PDE5A: variants seen among roughly 807,000 people sequenced by gnomAD.
The protein encoded by PDE5A is phosphodiesterase 5A, also known as cGMP-specific 3',5'-cyclic phosphodiesterase.
PDE5A carries 67 observed loss-of-function variants against 110.2 expected under a neutral mutation model. The ratio of observed to expected loss-of-function variants is 0.61; its 90% CI spans 0.50 to 0.75. The LOEUF is 0.75. PDE5A is among the 30% of genes least tolerant of loss of function. The pLI, the probability that PDE5A is intolerant of heterozygous loss-of-function variation, is 0.00. For missense variants in PDE5A, 862 were observed against 1,045.1 expected (o/e 0.82, Z 2.42); for synonymous variants, 328 against 351.2 (o/e 0.93, Z 0.74).
chr4:119,539,238 A>G (rs1726836753), intron 10 of PDE5A: 3 of 468,950 alleles, frequency 6.4e-6, no homozygotes, highest in Non-Finnish European at 1.2e-5. Context: ...ATGTTTAAAG[A>G]AAACTCTTGT....
At chr4:119,588,472 T>C (rs6822275) in intron 3 of PDE5A, among the ~76,000 whole-genome samples, 116,411 of 149,830 alleles carry the variant, frequency 0.78, 45,384 homozygotes, top group East Asian at 0.89. Context: ...CCACCGCGCC[T>C]AGCCTACCTC....
At chr4:119,621,647 TAGAC>T (rs3056860) in intron 1 of PDE5A, among the ~76,000 whole-genome samples, 119,940 of 151,730 alleles carry the variant, frequency 0.79, 47,747 homozygotes, top group East Asian at 0.9. Flanking sequence ...CATAGATAGA[TAGAC>T]AGACAGATAG....
Position 119,505,735 on chromosome 4 carries a change from C to A in PDE5A, c.2267+120G>T, listed in dbSNP as rs531112454. ...GTACAACCCTCTGGAGAAATCTGACCGCTTTTAAGATCATCATATTGTAAC... is the reference window on the plus strand; with the variant it reads ...GTACAACCCTCTGGAGAAATCTGACAGCTTTTAAGATCATCATATTGTAAC... On this transcript the variant is annotated intron_variant, in intron 17 of 20. Transcript: ENST00000354960. The A allele has an allele frequency of 9.7e-6, 6 of 616,594 alleles. No individual in the cohort carries two copies. The African/African-American group carries it at 9.9e-5, about 10-fold the overall frequency. 38.2% of individuals were successfully genotyped at this position (616,594 alleles called of 1,614,324 possible). A position where few individuals can be genotyped will look rare whatever the true frequency, so the allele number is the denominator to read the frequency against.
intron 9 of PDE5A, among the ~76,000 whole-genome samples, chr4:119,547,799 G>A (rs577739326): frequency 2.0e-5 from 3 of 151,878 alleles, no homozygotes; most frequent in East Asian, 1.9e-4. Context: ...ATCTATGAAA[G>A]TGGCCAACAA....
chr4:119,503,944 TA>T (rs33940010), intron 18 of PDE5A, among the ~76,000 whole-genome samples: 48,744 of 151,940 alleles, frequency 0.32, 8,034 homozygotes, highest in East Asian at 0.38. Flanking sequence ...AAAACTTACT[TA>T]AAAAAATTTT....
intron 3 of PDE5A, among the ~76,000 whole-genome samples, chr4:119,572,518 T>C (rs1343661691): frequency 1.3e-5 from 2 of 152,150 alleles, no homozygotes; most frequent in Non-Finnish European, 1.5e-5. Context: ...AATTATGGAG[T>C]TGAAACTTAT....
chr4:119,501,218 T>G lies in PDE5A; in HGVS notation c.2442A>C (p.Pro814=). ...CATCTATGAACCCAACTTGCATACT[T>G]GGGATTTTGTTTTTCTTCTCCCTGT... ...LMNREKKNKI[P]SMQVGFIDAI... The change falls in exon 20 of 21, where the codon CCA becomes CCC. Residue 814 remains proline (P), a synonymous_variant. Transcript: ENST00000354960. 1 of 1,612,412 alleles carries G rather than the reference T, an allele frequency of 6.2e-7. No individual in the cohort carries two copies. The highest frequency in any genetic ancestry group is 2.2e-5 in the East Asian group (1 of 44,836).
intron 3 of PDE5A, among the ~76,000 whole-genome samples, chr4:119,580,112 C>T (rs1055440858): frequency 3.3e-5 from 5 of 152,120 alleles, no homozygotes; most frequent in African/African-American, 1.2e-4. Context: ...CTAGAGTCAA[C>T]CTGAGACTGG....
intron 7 of PDE5A, 59 bp downstream of exon 7, chr4:119,560,237 A>C: frequency 1.1e-6 from 1 of 935,810 alleles, no homozygotes; most frequent in Non-Finnish European, 1.6e-6. Context: ...GTCATGAAAT[A>C]ACTATTTAGC....
chr4:119,570,382 A>G (rs1260853214), intron 3 of PDE5A, among the ~76,000 whole-genome samples: 2 of 152,146 alleles, frequency 1.3e-5, no homozygotes, highest in Admixed American at 1.3e-4. Context: ...CTTCCATATC[A>G]GAATGTCCAT....
At chr4:119,578,052 C>T (rs1329810364) in intron 3 of PDE5A, among the ~76,000 whole-genome samples, 1 of 152,106 alleles carries the variant, frequency 6.6e-6, no homozygotes, top group Non-Finnish European at 1.5e-5. Flanking sequence ...AACAGACAAA[C>T]AGAGAGCCAA....
chr4:119,527,350 T>C (rs993337059), intron 11 of PDE5A: 1 of 152,114 alleles, frequency 6.6e-6, no homozygotes, highest in African/African-American at 2.4e-5. Context: ...TGCAAACATT[T>C]TCCATAAGAG....
At chr4:119,616,615 C>T (rs1729952362) in intron 1 of PDE5A, among the ~76,000 whole-genome samples, 1 of 152,016 alleles carries the variant, frequency 6.6e-6, no homozygotes, top group Non-Finnish European at 1.5e-5. Flanking sequence ...GAGTAGAGCA[C>T]CCAGCAAAAC....
rs140013984 is a variant in PDE5A, at chr4:119,562,962, A to G, written c.1002T>C (p.Leu334=). ...LLENKRNQVL[L]DLASLIFEEQ... Reference sequence around the variant, plus strand: ...CTTCAAAAATTAAACTAGCAAGGTCAAGCAGCACCTAGACAAAAAAATTAG... The same window carrying G: ...CTTCAAAAATTAAACTAGCAAGGTCGAGCAGCACCTAGACAAAAAAATTAG... The change falls in exon 6 of 21, where the codon CTT becomes CTC. Residue 334 remains leucine (L), a synonymous_variant. Transcript: ENST00000354960. The G allele has an allele frequency of 3.2e-6, 5 of 1,579,072 alleles. No homozygotes were observed. The highest frequency in any genetic ancestry group is 4.3e-6 in the Non-Finnish European group (5 of 1,168,778).
At position 119,547,125 on chromosome 4, in the gene PDE5A, T is replaced by TA. The variant is rs1310701720; in HGVS notation, c.1397-4492dup. On this transcript the variant is annotated intron_variant, in intron 9 of 20. Transcript: ENST00000354960. ...GCAATAGTTTTTTTTTTTTTTTTTT[T>TA]AAATAACAAATTCTTTCTCAGTTAC... 1.8e-3 allele frequency among the ~76,000 whole-genome samples: 265 copies of TA among 145,714 alleles called. 1 individual carries two copies. The highest frequency in any genetic ancestry group is 2.5e-3 in the Non-Finnish European group (162 of 65,676).
intron 3 of PDE5A, among the ~76,000 whole-genome samples, chr4:119,572,516 A>C (rs934129212): frequency 3.9e-5 from 6 of 152,228 alleles, no homozygotes; most frequent in Non-Finnish European, 8.8e-5. Context: ...TTAATTATGG[A>C]GTTGAAACTT....
At chr4:119,576,875 G>T (rs1010329872) in intron 3 of PDE5A, among the ~76,000 whole-genome samples, 61 of 151,928 alleles carry the variant, frequency 4.0e-4, no homozygotes, top group Admixed American at 9.2e-4. Flanking sequence ...CAAAAAACCC[G>T]TCAAAAAATC....
At chr4:119,570,461 C>T (rs560926317) in intron 3 of PDE5A, among the ~76,000 whole-genome samples, 12 of 152,192 alleles carry the variant, frequency 7.9e-5, no homozygotes, top group Admixed American at 2.0e-4. Flanking sequence ...TCTGTAAAAG[C>T]GCAAAAAAGC....
intron 1 of PDE5A, among the ~76,000 whole-genome samples, chr4:119,620,681 T>A: frequency 6.6e-6 from 1 of 152,320 alleles, no homozygotes; most frequent in Non-Finnish European, 1.5e-5. Flanking sequence ...TTCACAATAA[T>A]CATAATCAAA....
Sources: allele counts gnomAD v4.1 joint callset (sites outside exome capture counted in the v4.1 genomes callset), GRCh38; gene constraint gnomAD v4.1.1; transcripts MANE v1.5; gene names NCBI Gene and HGNC (gene_info 2026-07-23, HGNC 2026-07-21).